SCFD2: variants seen among roughly 807,000 people sequenced by gnomAD.
SCFD2 encodes sec1 family domain containing 2.
SCFD2 carries 54 observed loss-of-function variants against 58.9 expected under a neutral mutation model. The ratio of observed to expected loss-of-function variants is 0.92; its 90% CI spans 0.74 to 1.15. The LOEUF (loss-of-function observed/expected upper bound fraction) is 1.15, where lower values mean the gene tolerates loss of function less well. Among genes scored for constraint, SCFD2 ranks in the 50% most tolerant of loss-of-function variants. The probability of loss-of-function intolerance (pLI) is 0.00; values close to 1 mark genes in which losing one functional copy is unlikely to be tolerated. For synonymous variants in SCFD2, 321 were observed against 335.9 expected, an observed-to-expected ratio of 0.96 and a Z score of 0.49; for missense variants, 805 against 836.6, an observed-to-expected ratio of 0.96 and a Z score of 0.47.
intron 4 of SCFD2, among the ~76,000 whole-genome samples, chr4:53,190,413 G>A (rs750372959): frequency 1.2e-4 from 18 of 152,002 alleles, no homozygotes; most frequent in Non-Finnish European, 2.4e-4. Context: ...TTCTCATCTC[G>A]GGACCTTTGT....
chr4:53,138,912 T>G (rs1726023704), intron 5 of SCFD2, among the ~76,000 whole-genome samples: 1 of 133,910 alleles, frequency 7.5e-6, no homozygotes, highest in South Asian at 2.6e-4. Context: ...GGTCTCCCTC[T>G]GATGCCCAGC....
At chr4:53,300,434 C>T (rs1732236552) in intron 3 of SCFD2, among the ~76,000 whole-genome samples, 1 of 152,142 alleles carries the variant, frequency 6.6e-6, no homozygotes, top group African/African-American at 2.4e-5. Context: ...TACAGGAGCA[C>T]CCAGATTCAT....
At chr4:52,886,023 G>A (rs1327909044) in intron 7 of SCFD2, among the ~76,000 whole-genome samples, 157 bp from the exon 8 acceptor site, 1 of 152,146 alleles carries the variant, frequency 6.6e-6, no homozygotes, top group East Asian at 1.9e-4. Context: ...GTGGGTCCCT[G>A]GTGAAACCTG....
chr4:53,068,581 C>G (rs192834991), intron 5 of SCFD2, among the ~76,000 whole-genome samples: 1 of 151,904 alleles, frequency 6.6e-6, no homozygotes. Context: ...TACATAGTAA[C>G]CAAATATTCT....
At chr4:52,990,515 T>C (rs2109581853) in intron 5 of SCFD2, among the ~76,000 whole-genome samples, 1 of 152,284 alleles carries the variant, frequency 6.6e-6, no homozygotes, top group South Asian at 2.1e-4. Flanking sequence ...TGCAAAGCCA[T>C]AGGTGGAGGC....
intron 5 of SCFD2, among the ~76,000 whole-genome samples, chr4:52,971,795 C>T (rs1721107938): frequency 6.6e-6 from 1 of 152,104 alleles, no homozygotes; most frequent in South Asian, 2.1e-4. Flanking sequence ...AAAGGGAAGC[C>T]CATCAGACTA....
chr4:53,030,031 G>A (rs557366888), intron 5 of SCFD2, among the ~76,000 whole-genome samples: 3 of 151,906 alleles, frequency 2.0e-5, no homozygotes, highest in African/African-American at 4.8e-5. Context: ...ACAGTTGAGC[G>A]AACAAAATGA....
chr4:53,035,552 G>A (rs1486117149), intron 5 of SCFD2, among the ~76,000 whole-genome samples: 2 of 152,052 alleles, frequency 1.3e-5, no homozygotes, highest in African/African-American at 4.8e-5. Flanking sequence ...TACACAATGG[G>A]AGAAAATTTC....
chr4:53,177,795 C>T (rs1727390451), intron 4 of SCFD2, among the ~76,000 whole-genome samples: 1 of 152,216 alleles, frequency 6.6e-6, no homozygotes, highest in Non-Finnish European at 1.5e-5. Context: ...AAGCAGGTCA[C>T]TCCCACCCTA....
At chr4:53,171,087 T>A (rs1348079001) in intron 4 of SCFD2, among the ~76,000 whole-genome samples, 1 of 152,176 alleles carries the variant, frequency 6.6e-6, no homozygotes, top group Non-Finnish European at 1.5e-5. Context: ...ACTGTGTATA[T>A]CCTTGTCTTG....
At position 53,313,801 on chromosome 4, in the gene SCFD2, T is replaced by G. The variant is rs375478577; in HGVS notation, c.1008-38A>C. On this transcript the variant is annotated intron_variant, in intron 2 of 8. Transcript: ENST00000401642. ...CACAAAAAGAGCTTTAGAATAAATT[T>G]CTACTGGATACTGGAAAGGGTTGAA... 9 of 1,610,228 alleles carry G rather than the reference T, an allele frequency of 5.6e-6. 1 individual carries two copies. The African/African-American group carries it at 1.2e-4, about 22-fold the overall frequency.
intron 5 of SCFD2, among the ~76,000 whole-genome samples, chr4:53,018,193 T>C (rs560619987): frequency 6.6e-6 from 1 of 152,332 alleles, no homozygotes; most frequent in Admixed American, 6.5e-5. Context: ...ATTTATTTAA[T>C]CATTTAATTG....
rs142647695 is a variant in SCFD2 at position 52,927,133 on chromosome 4, G to C, written c.1562-6263C>G. ...ATAAGCTTGGACTGATGTGTGATTG[G>C]AAAAGTCATTAAAAGAGGAGGATCA... On this transcript the variant is annotated intron_variant, in intron 5 of 8. Coordinates refer to ENST00000401642, the MANE Select transcript of SCFD2 (RefSeq NM_152540.4). Among the ~76,000 whole-genome samples, 885 of 152,176 alleles carry C rather than the reference G, an allele frequency of 5.8e-3. 3 individuals carry two copies. Among genetic ancestry groups the C allele is most frequent in the Non-Finnish European group, 9.1e-3 (620 of 68,004 alleles).
chr4:53,312,894 T>C (rs1408535669), intron 3 of SCFD2, among the ~76,000 whole-genome samples: 1 of 152,084 alleles, frequency 6.6e-6, no homozygotes, highest in Non-Finnish European at 1.5e-5. Context: ...AGATTCAATA[T>C]CCATATTTAA....
At chr4:53,026,729 G>T (rs1279128872) in intron 5 of SCFD2, among the ~76,000 whole-genome samples, 1 of 152,148 alleles carries the variant, frequency 6.6e-6, no homozygotes, top group African/African-American at 2.4e-5. Flanking sequence ...TAGACAACTA[G>T]AGTAGTAGTA....
At chr4:53,298,516 G>C (rs1482882972) in intron 3 of SCFD2, among the ~76,000 whole-genome samples, 1 of 152,170 alleles carries the variant, frequency 6.6e-6, no homozygotes, top group African/African-American at 2.4e-5. Context: ...TCCACCTCTG[G>C]GGGCAGGGCT....
intron 4 of SCFD2, among the ~76,000 whole-genome samples, chr4:53,215,150 C>A (rs1338532649): frequency 6.6e-6 from 1 of 151,892 alleles, no homozygotes; most frequent in Non-Finnish European, 1.5e-5. Flanking sequence ...TTTTTTGGTT[C>A]CATATGAACT....
intron 4 of SCFD2, among the ~76,000 whole-genome samples, chr4:53,237,498 GGC>G (rs1491090453): frequency 3.6e-5 from 3 of 83,480 alleles, no homozygotes; most frequent in African/African-American, 5.6e-5. Context: ...CTCCCGGACG[GGC>G]GGCTGGCCGG....
intron 5 of SCFD2, among the ~76,000 whole-genome samples, chr4:52,972,818 T>C (rs1265067814): frequency 4.6e-5 from 7 of 152,212 alleles, no homozygotes; most frequent in Admixed American, 6.5e-5. Context: ...ACAAACTGTC[T>C]CTGAGACCAC....
Sources: gnomAD v4.1 joint callset for allele counts (sites outside exome capture counted in the v4.1 genomes callset) on GRCh38, gnomAD v4.1.1 for gene constraint, MANE v1.5 for transcripts, NCBI Gene and HGNC (gene_info 2026-07-23, HGNC 2026-07-21) for gene names.